KDM7A: variants seen among roughly 807,000 people sequenced by gnomAD.
KDM7A encodes lysine demethylase 7A.
In KDM7A, 28 loss-of-function variants were observed where a neutral mutation model predicts 114.8. That is an observed-to-expected ratio of 0.24 (90% CI 0.18 to 0.33). The LOEUF (loss-of-function observed/expected upper bound fraction) is 0.33. Among genes scored for constraint, KDM7A ranks in the 10% least tolerant of loss-of-function variants. The pLI, the probability that KDM7A is intolerant of heterozygous loss-of-function variation, is 1.00. For synonymous variants in KDM7A, 423 were observed against 397.8 expected (o/e 1.06, Z -0.75); for missense variants, 942 against 1,142.5 (o/e 0.82, Z 2.53).
At chr7:140,175,978 T>A (rs1794700592) in intron 1 of KDM7A, among the ~76,000 whole-genome samples, 1 of 151,784 alleles carries the variant, frequency 6.6e-6, no homozygotes, top group South Asian at 2.1e-4. Flanking sequence ...TCTGCCCCAG[T>A]CCCGGCGACC....
At chr7:140,154,107 TCTAATGGTAA>T (rs1794431694) in intron 1 of KDM7A, among the ~76,000 whole-genome samples, 1 of 152,144 alleles carries the variant, frequency 6.6e-6, no homozygotes, top group Admixed American at 6.5e-5. Flanking sequence ...AGTGTTGTTA[TCTAATGGTAA>T]CTGAAATCAG....
intron 1 of KDM7A, among the ~76,000 whole-genome samples, chr7:140,172,353 T>C (rs975460066): frequency 2.0e-5 from 3 of 151,240 alleles, no homozygotes; most frequent in Admixed American, 6.6e-5. Context: ...TTAGTAAACA[T>C]AAGAAAAAGT....
intron 1 of KDM7A, among the ~76,000 whole-genome samples, chr7:140,139,438 G>C (rs924190443): frequency 3.3e-5 from 5 of 152,052 alleles, no homozygotes; most frequent in African/African-American, 1.2e-4. Flanking sequence ...CAGAAATACT[G>C]CAATTATAAG....
chr7:140,109,975 A>G (rs1818405868), intron 11 of KDM7A, among the ~76,000 whole-genome samples: 1 of 152,234 alleles, frequency 6.6e-6, no homozygotes, highest in South Asian at 2.1e-4. Context: ...AGATAAAATA[A>G]CAGACACCCA....
Position 140,094,133 on chromosome 7 carries a change from G to A in KDM7A, c.2380C>T (p.His794Tyr), listed in dbSNP as rs189164886. The A allele has an allele frequency of 3.5e-5, 55 of 1,576,052 alleles. No individual in the cohort carries two copies. The East Asian group carries it at 9.0e-4, about 26-fold the overall frequency. The part of the protein sequence containing the change: ...RYDKPVECGY[H>Y]VKTEDPDLRT... ...AAGTCTGGATCTTCAGTCTTGACAT[G>A]GTATCCTAAAGAGAAGTTTTAGTTT... Residue 794 changes from histidine to tyrosine, a missense_variant, in exon 18 of 20, where the codon CAT (histidine) becomes TAT (tyrosine). His to Tyr is a moderately conservative substitution (Grantham distance 83). This residue lies in a region of KDM7A where 512 missense variants were observed against 576.6 expected (regional missense o/e 0.89). Coordinates refer to ENST00000397560, the MANE Select transcript of KDM7A (RefSeq NM_030647.2).
Position 140,145,385 on chromosome 7 carries a change from G to A in KDM7A, c.195-6195C>T, listed in dbSNP as rs114819077. Reference sequence around the variant, plus strand: ...CTTAATGGCTCCCAGCACTGAGTCCGTGGAAGGCCTTGAGCAACTGACCTA... The same window carrying A: ...CTTAATGGCTCCCAGCACTGAGTCCATGGAAGGCCTTGAGCAACTGACCTA... On this transcript the variant is annotated intron_variant, in intron 1 of 19. Transcript: ENST00000397560. 4.3e-3 allele frequency among the ~76,000 whole-genome samples: 654 copies of A among 152,334 alleles called. 8 individuals carry two copies. The highest frequency in any genetic ancestry group is 0.014 in the African/African-American group (594 of 41,570).
intron 9 of KDM7A, among the ~76,000 whole-genome samples, chr7:140,118,343 T>A (rs1250621493): frequency 6.6e-6 from 1 of 151,936 alleles, no homozygotes; most frequent in African/African-American, 2.4e-5. Flanking sequence ...CCACCTTTTA[T>A]AAAGTAGCTT....
At chr7:140,153,006 C>A (rs987385729) in intron 1 of KDM7A, among the ~76,000 whole-genome samples, 2 of 151,822 alleles carry the variant, frequency 1.3e-5, no homozygotes, top group East Asian at 2.0e-4. Context: ...AATACAGGCA[C>A]GCGCCACCAC....
At chr7:140,120,118 A>C (rs983465915) in intron 8 of KDM7A, among the ~76,000 whole-genome samples, 5 of 152,186 alleles carry the variant, frequency 3.3e-5, no homozygotes, top group African/African-American at 1.2e-4. Context: ...GTCACATCTG[A>C]GTCTGACTAG....
intron 2 of KDM7A, among the ~76,000 whole-genome samples, chr7:140,136,002 C>G (rs1818864701): frequency 6.6e-6 from 1 of 152,112 alleles, no homozygotes; most frequent in South Asian, 2.1e-4. Flanking sequence ...CTCTGTCACC[C>G]AGGCTGGAGT....
Position 140,098,934 on chromosome 7 carries a change from T to C in KDM7A, c.1863A>G (p.Glu621=). 1 of 1,613,772 alleles carries C rather than the reference T, an allele frequency of 6.2e-7. No homozygotes were observed. Among genetic ancestry groups the C allele is most frequent in the East Asian group, 2.2e-5 (1 of 44,866 alleles). Residue 621 remains glutamate (E), a synonymous_variant, in exon 14 of 20, where the codon GAA becomes GAG. Coordinates refer to ENST00000397560, the MANE Select transcript of KDM7A (RefSeq NM_030647.2). Reference sequence around the variant, plus strand: ...CCACTCCCTCTACTCCTGAACTCTCTTCTATCTTCATTTTTGCCTTTTTTG... The same window carrying C: ...CCACTCCCTCTACTCCTGAACTCTCCTCTATCTTCATTTTTGCCTTTTTTG... ...RRTKKAKMKI[E]ESSGVEGVEH... is the part of the protein sequence containing the mutation.
chr7:140,098,238 G>C (rs1818147039), intron 14 of KDM7A, among the ~76,000 whole-genome samples: 1 of 152,148 alleles, frequency 6.6e-6, no homozygotes. Flanking sequence ...TTAGTTATCT[G>C]AAACATTTAT....
chr7:140,098,180 TCACTCAGATTAGCAGG>T (rs1402346687), intron 14 of KDM7A, among the ~76,000 whole-genome samples: 1 of 152,224 alleles, frequency 6.6e-6, no homozygotes, highest in Non-Finnish European at 1.5e-5. Flanking sequence ...AGTGCCAATT[TCACTCAGATTAGCAGG>T]AACTGGGGTG....
intron 14 of KDM7A, 148 bp downstream of exon 14, chr7:140,098,731 C>A (rs1420272012): frequency 1.6e-5 from 11 of 681,644 alleles, no homozygotes; most frequent in Non-Finnish European, 2.7e-5. Flanking sequence ...CAGCACTTCT[C>A]TCATACTTCA....
chr7:140,139,213 C>T, intron 1 of KDM7A, 23 bp from the exon 2 acceptor site: 1 of 1,545,544 alleles, frequency 6.5e-7, no homozygotes. Flanking sequence ...AAACCAAAAT[C>T]AGTATGTAAG....
intron 11 of KDM7A, 91 bp downstream of exon 11, chr7:140,111,004 G>GT: frequency 1.4e-6 from 1 of 725,458 alleles, no homozygotes; most frequent in Non-Finnish European, 2.3e-6. Context: ...GTGTGTAAGA[G>GT]TTTTTAAATA....
At chr7:140,153,325 A>T (rs545254384) in intron 1 of KDM7A, among the ~76,000 whole-genome samples, 1 of 151,868 alleles carries the variant, frequency 6.6e-6, no homozygotes, top group African/African-American at 2.4e-5. Context: ...TCTCTACTGA[A>T]AATACAAAAA....
chr7:140,135,991 CCT>C (rs927678276), intron 2 of KDM7A, among the ~76,000 whole-genome samples: 9 of 152,088 alleles, frequency 5.9e-5, no homozygotes, highest in Admixed American at 2.6e-4. Flanking sequence ...ACATGGTCTC[CCT>C]CTGTCACCCA....
At chr7:140,163,601 G>C (rs1794543458) in intron 1 of KDM7A, among the ~76,000 whole-genome samples, 1 of 151,920 alleles carries the variant, frequency 6.6e-6, no homozygotes, top group East Asian at 1.9e-4. Flanking sequence ...GATTGTTTTT[G>C]TTTTGTTCTA....
Sources: gnomAD v4.1 joint callset for allele counts (sites outside exome capture counted in the v4.1 genomes callset) on GRCh38, gnomAD v4.1.1 for gene constraint, gnomAD v4.1.1 regional missense constraint, MANE v1.5 for transcripts, NCBI Gene and HGNC (gene_info 2026-07-23, HGNC 2026-07-21) for gene names.